ARFGEF3: variants seen among roughly 807,000 people sequenced by gnomAD.
The protein encoded by ARFGEF3 is ARFGEF family member 3.
A neutral mutation model predicts 221.7 loss-of-function variants in ARFGEF3; 96 were observed. That is an observed-to-expected ratio of 0.43 (90% confidence interval 0.37 to 0.51). ARFGEF3 has a LOEUF of 0.51. Among genes scored for constraint, ARFGEF3 ranks in the 20% least tolerant of loss-of-function variants. ARFGEF3 has a pLI of 0.00. For synonymous variants in ARFGEF3, 1,145 were observed against 1,126.8 expected (o/e 1.02, Z -0.32); for missense variants, 2,410 against 2,789.9 (o/e 0.86, Z 3.07).
At chr6:138,199,287 A>G (rs1301105982) in intron 2 of ARFGEF3, among the ~76,000 whole-genome samples, 1 of 152,204 alleles carries the variant, frequency 6.6e-6, no homozygotes, top group Non-Finnish European at 1.5e-5. Context: ...TTTCAACCAG[A>G]CCTATGATTA....
Position 138,343,763 on chromosome 6 carries a change from A to C in ARFGEF3, c.*7277A>C, listed in dbSNP as rs1013449504. 6.6e-6 allele frequency: 1 copy of C among 152,112 alleles called. No homozygotes were observed. The highest frequency in any genetic ancestry group is 1.5e-5 in the Non-Finnish European group (1 of 68,018). The allele number at this position is 152,112 out of a possible 1,614,324, so 9.4% of individuals were successfully genotyped here. A position where few individuals can be genotyped will look rare whatever the true frequency, so the allele number is the denominator to read the frequency against. ...TTATGTGCAAGCTGCTTTGTCCTAC[A>C]TTTCTTTCATCTGGTTCTTATTGGG... On this transcript the variant is annotated 3_prime_UTR_variant, in exon 34 of 34. Transcript: ENST00000251691.
chr6:138,303,723 AC>A (rs1221153234), intron 22 of ARFGEF3, among the ~76,000 whole-genome samples: 3 of 151,634 alleles, frequency 2.0e-5, no homozygotes, highest in African/African-American at 7.3e-5. Context: ...AATCACTTGA[AC>A]CCAGGACTAG....
chr6:138,272,766 G>A (rs776825167), intron 12 of ARFGEF3, among the ~76,000 whole-genome samples: 20 of 152,360 alleles, frequency 1.3e-4, no homozygotes, highest in South Asian at 2.1e-4. Flanking sequence ...AATGCCCAGC[G>A]TTGCTGAGAG....
chr6:138,215,878 G>A (rs1355227110), intron 4 of ARFGEF3: 1 of 118,194 alleles, frequency 8.5e-6, no homozygotes. Context: ...GTGTGTGTGT[G>A]TGTGTGTGTG....
chr6:138,281,819 C>T (rs1039593156), intron 14 of ARFGEF3, among the ~76,000 whole-genome samples: 2 of 152,154 alleles, frequency 1.3e-5, no homozygotes, highest in African/African-American at 4.8e-5. Context: ...TGTGGCTCGG[C>T]CATAATGCCA....
At chr6:138,280,524 G>C (rs1779180118) in intron 14 of ARFGEF3, among the ~76,000 whole-genome samples, 1 of 152,224 alleles carries the variant, frequency 6.6e-6, no homozygotes, top group Non-Finnish European at 1.5e-5. Flanking sequence ...TGTTCTTGGG[G>C]TTTACCAATA....
chr6:138,262,858 G>A lies in ARFGEF3; in HGVS notation c.1375G>A (p.Glu459Lys). 1.2e-6 allele frequency: 2 copies of A among 1,613,978 alleles called. No homozygotes were observed. The highest frequency in any genetic ancestry group is 1.1e-5 in the South Asian group (1 of 91,076). The change falls in exon 12 of 34, where the codon GAG becomes AAG. Residue 459 changes from glutamate to lysine, a missense_variant. This residue lies in a region of ARFGEF3 where 570 missense variants were observed against 586.9 expected (regional missense o/e 0.97). Coordinates refer to ENST00000251691, the MANE Select transcript of ARFGEF3 (RefSeq NM_020340.5). The part of the protein sequence containing the change: ...GQVQLLLLRL[E>K]ELKDGAEWSR... ...GGTGCAACTGCTGCTTCTGCGCCTT[G>A]AGGAGCTGAAGGATGGGGCTGAGTG...
chr6:138,263,511 C>T lies in ARFGEF3; in HGVS notation c.2028C>T (p.Phe676=). 1 of 1,613,756 alleles carries T rather than the reference C, an allele frequency of 6.2e-7. No individual in the cohort carries two copies. Among genetic ancestry groups the T allele is most frequent in the Admixed American group, 1.7e-5 (1 of 60,030 alleles). Residue 676 remains phenylalanine, a synonymous_variant, in exon 12 of 34, where the codon TTC becomes TTT. Coordinates refer to ENST00000251691, the MANE Select transcript of ARFGEF3 (RefSeq NM_020340.5). ...QEADQHSARL[F]IQSLEGLLPR... is the part of the protein sequence containing the mutation. ...CGGATCAGCACAGCGCCAGGCTGTT[C>T]ATACAGTCCCTGGAAGGCCTCCTCC...
In ARFGEF3 at chr6:138,344,547, GAA is replaced by G. The variant is rs1284846164; in HGVS notation, c.*8064_*8065del. The G allele has an allele frequency of 6.6e-6, 1 of 152,076 alleles. No homozygotes were observed. The highest frequency in any genetic ancestry group is 2.1e-4 in the South Asian group (1 of 4,834). 9.4% of individuals were successfully genotyped at this position (152,076 alleles called of 1,614,324 possible). On this transcript the variant is annotated 3_prime_UTR_variant, in exon 34 of 34. Coordinates refer to ENST00000251691, the MANE Select transcript of ARFGEF3 (RefSeq NM_020340.5). ...GAGGTGGAAATGAAAATTCTAAAGA[GAA>G]AATATTTTAAAAGATATTGTATTTA...
chr6:138,303,029 G>A (rs566578901), intron 22 of ARFGEF3, among the ~76,000 whole-genome samples: 17 of 152,186 alleles, frequency 1.1e-4, no homozygotes, highest in African/African-American at 4.1e-4. Flanking sequence ...AACGTTTAAA[G>A]CAATAACTCT....
At position 138,262,887 on chromosome 6, in the gene ARFGEF3, C is replaced by G. The variant is rs1394899435; in HGVS notation, c.1404C>G (p.Ser468Arg). Residue 468 changes from serine (S) to arginine (R), a missense_variant, in exon 12 of 34, where the codon AGC (serine) becomes AGG (arginine). Around this residue, in one of 5 missense-constraint regions of ARFGEF3, gnomAD observed 570 missense variants for 586.9 expected, o/e 0.97. Coordinates refer to ENST00000251691, the MANE Select transcript of ARFGEF3 (RefSeq NM_020340.5). ...LEELKDGAEW[S>R]RDSMEINEAD... ...AGCTGAAGGATGGGGCTGAGTGGAG[C>G]CGAGATTCCATGGAGATCAATGAGG... is the stretch of plus-strand genomic sequence containing the variant. 3.1e-6 allele frequency: 5 copies of G among 1,613,390 alleles called. No individual in the cohort carries two copies. The Admixed American group carries it at 6.7e-5, about 22-fold the overall frequency.
chr6:138,323,974 G>A (rs370732629), intron 30 of ARFGEF3, 49 bp from the exon 31 acceptor site: 9 of 1,597,750 alleles, frequency 5.6e-6, no homozygotes, highest in Middle Eastern at 1.7e-4. Flanking sequence ...GACTGAGCCC[G>A]GCCCATGAAC....
intron 7 of ARFGEF3, among the ~76,000 whole-genome samples, chr6:138,245,212 G>C (rs975865185): frequency 6.6e-6 from 1 of 152,194 alleles, no homozygotes; most frequent in Non-Finnish European, 1.5e-5. Context: ...TGAGGCAGGA[G>C]AATCACTTGA....
At chr6:138,170,964 A>C (rs1342996049) in intron 2 of ARFGEF3, among the ~76,000 whole-genome samples, 1 of 152,208 alleles carries the variant, frequency 6.6e-6, no homozygotes, top group Non-Finnish European at 1.5e-5. Flanking sequence ...GGACAAAAAG[A>C]GGGTGGAACA....
intron 12 of ARFGEF3, among the ~76,000 whole-genome samples, chr6:138,274,245 T>C (rs949693428): frequency 1.1e-4 from 16 of 152,216 alleles, no homozygotes; most frequent in Non-Finnish European, 2.4e-4. Context: ...TTTTTTTTTC[T>C]TGTTGATAGA....
intron 4 of ARFGEF3, among the ~76,000 whole-genome samples, chr6:138,228,549 T>C (rs1007871580): frequency 6.6e-6 from 1 of 152,098 alleles, no homozygotes; most frequent in Non-Finnish European, 1.5e-5. Context: ...ATCAAAAGAC[T>C]GAGGAGCACA....
At chr6:138,256,605 A>G (rs572230989) in intron 10 of ARFGEF3, among the ~76,000 whole-genome samples, 1 of 152,298 alleles carries the variant, frequency 6.6e-6, no homozygotes, top group South Asian at 2.1e-4. Context: ...TGAGTATTGG[A>G]AAGTTCTGAC....
intron 2 of ARFGEF3, among the ~76,000 whole-genome samples, chr6:138,190,657 C>T (rs1777286685): frequency 6.6e-6 from 1 of 152,154 alleles, no homozygotes; most frequent in Non-Finnish European, 1.5e-5. Context: ...AGCCCACGTT[C>T]CTGCCCATTT....
At chr6:138,314,778 C>G (rs879306564) in intron 26 of ARFGEF3, among the ~76,000 whole-genome samples, 12 of 152,210 alleles carry the variant, frequency 7.9e-5, no homozygotes, top group Non-Finnish European at 1.6e-4. Context: ...TCTTTTACTG[C>G]ACTTGCCATG....
Sources: allele counts gnomAD v4.1 joint callset (sites outside exome capture counted in the v4.1 genomes callset), GRCh38; gene constraint gnomAD v4.1.1; regional missense constraint gnomAD v4.1.1; transcripts MANE v1.5; gene names NCBI Gene and HGNC (gene_info 2026-07-23, HGNC 2026-07-21).